The following ADCY9 variants were observed in gnomAD, a reference collection of about 807,000 sequenced individuals.
The protein encoded by ADCY9 is adenylate cyclase type 9.
In ADCY9, 50 loss-of-function variants were observed where a neutral mutation model predicts 101.5. The ratio of observed to expected loss-of-function variants is 0.49; its 90% CI spans 0.39 to 0.62. ADCY9 has a LOEUF of 0.62. ADCY9 is among the 20% of genes least tolerant of loss of function. The probability of loss-of-function intolerance (pLI) is 0.00; values close to 1 mark genes in which losing one functional copy is unlikely to be tolerated. For missense variants in ADCY9, 1,662 were observed against 1,800.4 expected, an observed-to-expected ratio of 0.92 and a Z score of 1.39; for synonymous variants, 905 against 769.3, an observed-to-expected ratio of 1.18 and a Z score of -2.92.
rs771347970 is a variant in ADCY9, at chr16:3,979,215, G to A, written c.2580C>T (p.Ala860=). 30 of 1,613,924 alleles carry A rather than the reference G, an allele frequency of 1.9e-5. No homozygotes were observed. The African/African-American group carries it at 2.4e-4, about 13-fold the overall frequency. Residue 860 remains alanine, a synonymous_variant, in exon 8 of 11, where the codon GCC becomes GCT. Coordinates refer to ENST00000294016, the MANE Select transcript of ADCY9 (RefSeq NM_001116.4). The stretch of plus-strand genomic sequence containing the variant: ...CGATGCAGTGACGTGGTAGCCAGCC[G>A]GCGATCCACTCCAGCAGGCGCTTGG... ...ACTKRLLEWI[A]GWLPRHCIGA... is the part of the protein sequence containing the mutation.
intron 2 of ADCY9, among the ~76,000 whole-genome samples, chr16:4,107,535 A>C (rs1012769593): frequency 7.7e-6 from 1 of 129,616 alleles, no homozygotes; most frequent in Non-Finnish European, 1.6e-5. Flanking sequence ...TGGGTGACAC[A>C]GCCAGACTCT....
chr16:4,093,433 C>T (rs761909297), intron 2 of ADCY9, among the ~76,000 whole-genome samples: 1 of 152,216 alleles, frequency 6.6e-6, no homozygotes, highest in East Asian at 1.9e-4. Context: ...AATTATAATT[C>T]AGTATTAAAT....
chr16:4,016,763 A>C (rs1249207394), intron 2 of ADCY9, among the ~76,000 whole-genome samples: 3 of 152,206 alleles, frequency 2.0e-5, no homozygotes, highest in Non-Finnish European at 4.4e-5. Context: ...TTTATATGAA[A>C]TGTCTGGCAT....
chr16:3,988,028 C>T (rs1298494327), intron 6 of ADCY9, among the ~76,000 whole-genome samples: 1 of 149,000 alleles, frequency 6.7e-6, no homozygotes, highest in Non-Finnish European at 1.5e-5. Context: ...TGGGACTGTG[C>T]TGGAGGCTGT....
At position 4,067,369 on chromosome 16, in the gene ADCY9, T is replaced by C. The variant is rs189519633; in HGVS notation, c.1693+46381A>G. Among the ~76,000 whole-genome samples, 224 of 152,322 alleles carry C rather than the reference T, an allele frequency of 1.5e-3. 1 individual carries two copies. Among genetic ancestry groups the C allele is most frequent in the African/African-American group, 5.1e-3 (213 of 41,572 alleles). On this transcript the variant is annotated intron_variant, in intron 2 of 10. Coordinates refer to ENST00000294016, the MANE Select transcript of ADCY9 (RefSeq NM_001116.4). ...TCTTAAAATCCTCCCTCTTGCGCTATGCCTGCTTCTGAGTTGGCTGAGCAA... is the reference window on the plus strand; with the variant it reads ...TCTTAAAATCCTCCCTCTTGCGCTACGCCTGCTTCTGAGTTGGCTGAGCAA...
intron 2 of ADCY9, among the ~76,000 whole-genome samples, chr16:4,016,839 A>C (rs1372656612): frequency 2.6e-5 from 4 of 152,140 alleles, no homozygotes; most frequent in Non-Finnish European, 4.4e-5. Flanking sequence ...AGAGGGTGTA[A>C]CTGCTAACGG....
chr16:3,988,389 C>G (rs1433499091), intron 6 of ADCY9, among the ~76,000 whole-genome samples: 1 of 144,658 alleles, frequency 6.9e-6, no homozygotes, highest in Non-Finnish European at 1.5e-5. Flanking sequence ...GACTCCAGGA[C>G]AGGTGGGACG....
At chr16:3,956,039 A>C (rs1272625593) in intron 5 of ADCY9, among the ~76,000 whole-genome samples, 1 of 151,602 alleles carries the variant, frequency 6.6e-6, no homozygotes, top group African/African-American at 2.4e-5. Context: ...ATTTTGAAAA[A>C]TTTTTCGTAG....
At chr16:4,011,190 T>C (rs992069360) in intron 2 of ADCY9, among the ~76,000 whole-genome samples, 3 of 152,090 alleles carry the variant, frequency 2.0e-5, no homozygotes, top group African/African-American at 4.8e-5. Context: ...GGGGGGTTAC[T>C]AGAACAGGTC....
Position 3,964,769 on chromosome 16 carries a change from G to T in ADCY9, c.*1006C>A, listed in dbSNP as rs28360728. The T allele has an allele frequency of 0.098, 14,938 of 152,456 alleles. 1,463 individuals are homozygous for T. Among genetic ancestry groups the T allele is most frequent in the African/African-American group, 0.24 (10,120 of 41,488 alleles). The allele number at this position is 152,456 out of a possible 1,614,324, so 9.4% of individuals were successfully genotyped here. The stretch of plus-strand genomic sequence containing the variant: ...GGGAGGTTGGGGGCGGCCCCAGGTG[G>T]CCAAAACACAAAAGAGACATCTGGT... On this transcript the variant is annotated 3_prime_UTR_variant, in exon 11 of 11. Coordinates refer to ENST00000294016, the MANE Select transcript of ADCY9 (RefSeq NM_001116.4).
rs1287361205 is a variant in ADCY9 at position 3,963,659 on chromosome 16, G to A, written c.*2116C>T. 6 of 286,706 alleles carry A rather than the reference G, an allele frequency of 2.1e-5. No individual in the cohort carries two copies. Among genetic ancestry groups the A allele is most frequent in the Admixed American group, 1.0e-4 (2 of 19,080 alleles). The allele number at this position is 286,706 out of a possible 1,614,324, so 17.8% of individuals were successfully genotyped here. ...AAGAAGTGTGTGCGGAGAACTTTGCGGAGCATGTTCTGAGCGAGACAGCAA... is the reference window on the plus strand; with the variant it reads ...AAGAAGTGTGTGCGGAGAACTTTGCAGAGCATGTTCTGAGCGAGACAGCAA... On this transcript the variant is annotated 3_prime_UTR_variant, in exon 11 of 11. Transcript: ENST00000294016.
At chr16:4,110,369 A>C (rs112274350) in intron 2 of ADCY9, among the ~76,000 whole-genome samples, 35,750 of 134,008 alleles carry the variant, frequency 0.27, 6,004 homozygotes, top group South Asian at 0.43. Context: ...AATCATACTT[A>C]TACCTACTTT....
Position 3,991,331 on chromosome 16 carries a change from C to T in ADCY9, c.2207+815G>A, listed in dbSNP as rs75012137. On this transcript the variant is annotated intron_variant, in intron 5 of 10. Coordinates refer to ENST00000294016, the MANE Select transcript of ADCY9 (RefSeq NM_001116.4). ...ACTAATGAGGAACAGACGGGCACTG[C>T]GTGTCCCTGGAGAGGACACCCTGAG... Among the ~76,000 whole-genome samples, 842 of 152,242 alleles carry T rather than the reference C, an allele frequency of 5.5e-3. 27 individuals carry two copies. The East Asian group carries it at 0.081, about 15-fold the overall frequency.
chr16:4,087,705 G>A (rs184520906), intron 2 of ADCY9, among the ~76,000 whole-genome samples: 138 of 151,754 alleles, frequency 9.1e-4, no homozygotes, highest in African/African-American at 3.2e-3. Flanking sequence ...CTACAGTCCT[G>A]AAGCAATCCT....
intron 4 of ADCY9, 162 bp downstream of exon 4, chr16:3,993,244 T>C (rs1597151425): frequency 7.7e-7 from 1 of 1,304,856 alleles, no homozygotes; most frequent in Non-Finnish European, 1.0e-6. Flanking sequence ...TCCCTCGAGC[T>C]CCCTGCCGGT....
In ADCY9 at chr16:3,977,509, A is replaced by G; in HGVS notation, c.2801T>C (p.Leu934Pro). 5.7e-6 allele frequency: 9 copies of G among 1,578,884 alleles called. No homozygotes were observed. Among genetic ancestry groups the G allele is most frequent in the Non-Finnish European group, 7.7e-6 (9 of 1,162,450 alleles). Reference sequence around the variant, plus strand: ...GTCTGGGCACAGGGAGACGTAGAGCAGGAGCAGCGGCCCGGCCCCCACGAC... The same window carrying G: ...GTCTGGGCACAGGGAGACGTAGAGCGGGAGCAGCGGCCCGGCCCCCACGAC... The part of the protein sequence containing the change: ...ATVVGAGPLL[L>P]LYVSLCPDSS... Residue 934 changes from leucine (L) to proline (P), a missense_variant, in exon 9 of 11, where the codon CTG (leucine) becomes CCG (proline). Physicochemically the swap from Leu to Pro is moderately conservative, Grantham distance 98 (BLOSUM62 -3). This residue lies in a region of ADCY9 where 624 missense variants were observed against 639.1 expected (regional missense o/e 0.98). Coordinates refer to ENST00000294016, the MANE Select transcript of ADCY9 (RefSeq NM_001116.4).
chr16:4,024,635 G>C (rs994081426), intron 2 of ADCY9, among the ~76,000 whole-genome samples: 1 of 152,060 alleles, frequency 6.6e-6, no homozygotes, highest in African/African-American at 2.4e-5. Context: ...GTAGAAGCGG[G>C]GGCTCACTCC....
rs11865421 is a variant in ADCY9, at chr16:4,065,693, C to T, written c.1693+48057G>A. Among the ~76,000 whole-genome samples the T allele has an allele frequency of 5.6e-3, 850 of 152,310 alleles. 8 individuals are homozygous for T. The highest frequency in any genetic ancestry group is 0.019 in the African/African-American group (796 of 41,568). ...TTTAAGCAATTCTGCCTCAGCCTCC[C>T]GAACAGCTGGGATTACAGGCATGAG... On this transcript the variant is annotated intron_variant, in intron 2 of 10. Coordinates refer to ENST00000294016, the MANE Select transcript of ADCY9 (RefSeq NM_001116.4).
intron 2 of ADCY9, among the ~76,000 whole-genome samples, chr16:4,060,268 G>A (rs929890013): frequency 2.6e-5 from 4 of 152,144 alleles, no homozygotes; most frequent in Admixed American, 6.5e-5. Context: ...GAGCTATCAC[G>A]GGCAGTGGTA....
Sources: gnomAD v4.1 joint callset for allele counts (sites outside exome capture counted in the v4.1 genomes callset) on GRCh38, gnomAD v4.1.1 for gene constraint, gnomAD v4.1.1 regional missense constraint, MANE v1.5 for transcripts, NCBI Gene and HGNC (gene_info 2026-07-23, HGNC 2026-07-21) for gene names.